The following TUSC3 variants were observed in gnomAD, a reference collection of about 807,000 sequenced individuals.
The protein encoded by TUSC3 is dolichyl-diphosphooligosaccharide--protein glycosyltransferase subunit TUSC3.
Under a neutral mutation model 44.8 loss-of-function variants are expected in TUSC3, and 45 were observed. The ratio of observed to expected loss-of-function variants is 1.00; its 90% CI spans 0.79 to 1.29. The LOEUF is 1.29. Ranked by LOEUF, TUSC3 falls within the 50% of genes most tolerant of loss-of-function variation. TUSC3 has a pLI of 0.00. For missense variants in TUSC3, 519 were observed against 437.9 expected (o/e 1.19, Z -1.65); for synonymous variants, 212 against 152.9 (o/e 1.39, Z -2.85).
Position 15,523,712 on chromosome 8 carries a change from A to G in TUSC3, n.189+40229A>G, listed in dbSNP as rs59647179. On this transcript the variant is annotated intron_variant and non_coding_transcript_variant, in intron 2 of 5. Coordinates refer to the TUSC3 transcript ENST00000503191. ...TGTGTGTGTGTGTGTGTGTGTGTAT[A>G]TATATATATATATAAAGTAGTTCTT... 2.6e-3 allele frequency among the ~76,000 whole-genome samples: 267 copies of G among 102,666 alleles called. 10 individuals are homozygous for G. In the East Asian group the frequency reaches 0.031, roughly 12 times the overall value. The allele number at this position is 102,666 out of a possible 152,430, so 67.4% of individuals were successfully genotyped here. A position where few individuals can be genotyped will look rare whatever the true frequency, so the allele number is the denominator to read the frequency against.
intron 6 of TUSC3, chr8:15,689,011 G>A (rs954127166): frequency 7.9e-6 from 2 of 251,844 alleles, no homozygotes; most frequent in Admixed American, 1.1e-4. Flanking sequence ...TCAAACAACC[G>A]GGCCACCTGT....
At position 15,448,121 on chromosome 8, in the gene TUSC3, T is replaced by TATA. The variant is rs1354912985; in HGVS notation, n.91+30816_91+30817insATA. Among the ~76,000 whole-genome samples the TATA allele has an allele frequency of 2.9e-3, 74 of 25,874 alleles. 7 individuals are homozygous for TATA. The South Asian group carries it at 0.08, about 28-fold the overall frequency. The allele number at this position is 25,874 out of a possible 152,430, so 17.0% of individuals were successfully genotyped here. The stretch of plus-strand genomic sequence containing the variant: ...GTAGTGTATATACATATATATATAT[T>TATA]TATTTATTTATTTTTTAGATGGAGT... On this transcript the variant is annotated intron_variant and non_coding_transcript_variant, in intron 1 of 5. Transcript: ENST00000503191.
At chr8:15,611,467 G>C (rs757182237) in intron 1 of TUSC3, among the ~76,000 whole-genome samples, 1 of 152,164 alleles carries the variant, frequency 6.6e-6, no homozygotes, top group African/African-American at 2.4e-5. Context: ...GATTACAGGC[G>C]TGAGCCATCG....
chr8:15,456,822 C>G (rs933111503), intron 1 of TUSC3, among the ~76,000 whole-genome samples: 3 of 151,988 alleles, frequency 2.0e-5, no homozygotes, highest in South Asian at 4.1e-4. Flanking sequence ...CTTGAAAACG[C>G]TTTAAAACAT....
chr8:15,577,861 G>C (rs1460040750), intron 1 of TUSC3, among the ~76,000 whole-genome samples: 4 of 150,634 alleles, frequency 2.7e-5, no homozygotes, highest in Admixed American at 1.3e-4. Context: ...AAAGTCATTG[G>C]TAGCTTGATG....
intron 1 of TUSC3, among the ~76,000 whole-genome samples, chr8:15,427,981 ATTATAC>A (rs896390745): frequency 8.6e-5 from 13 of 151,136 alleles, no homozygotes; most frequent in Admixed American, 8.6e-4. Flanking sequence ...TTTTTTTATT[ATTATAC>A]TTTTAAGTTT....
chr8:15,587,995 A>G (rs1021232285), intron 1 of TUSC3, among the ~76,000 whole-genome samples: 1 of 152,056 alleles, frequency 6.6e-6, no homozygotes, highest in South Asian at 2.1e-4. Context: ...TATCTTGGCA[A>G]TTGTGAATAG....
At chr8:15,762,624 A>T (rs1364374132) in intron 10 of TUSC3, among the ~76,000 whole-genome samples, 1 of 152,126 alleles carries the variant, frequency 6.6e-6, no homozygotes, top group South Asian at 2.1e-4. Context: ...TTTAAACACT[A>T]AACAACAAAA....
chr8:15,809,414 A>C, the TUSC3 span, among the ~76,000 whole-genome samples: 170 of 152,302 alleles, frequency 1.1e-3, no homozygotes, highest in African/African-American at 4.0e-3. Flanking sequence ...AAGGTCCCTT[A>C]AACAAAAATG....
At chr8:15,421,095 A>G (rs1012481127) in intron 1 of TUSC3, among the ~76,000 whole-genome samples, 9 of 152,198 alleles carry the variant, frequency 5.9e-5, no homozygotes, top group African/African-American at 1.9e-4. Context: ...GTCCAAATTA[A>G]TACATCCAAA....
At chr8:15,501,041 C>T (rs752099521) in intron 2 of TUSC3, among the ~76,000 whole-genome samples, 1 of 151,842 alleles carries the variant, frequency 6.6e-6, no homozygotes, top group Non-Finnish European at 1.5e-5. Context: ...TGCTATCTTC[C>T]TTGACCCACC....
At chr8:15,669,906 C>A (rs1807866669) in intron 5 of TUSC3, among the ~76,000 whole-genome samples, 2 of 150,816 alleles carry the variant, frequency 1.3e-5, no homozygotes, top group South Asian at 4.2e-4. Flanking sequence ...TGATTTTGTA[C>A]ATAGAAAAAA....
At chr8:15,470,368 T>C (rs1370166827) in intron 1 of TUSC3, among the ~76,000 whole-genome samples, 1 of 152,078 alleles carries the variant, frequency 6.6e-6, no homozygotes, top group Non-Finnish European at 1.5e-5. Context: ...GATATAATAG[T>C]GGATGCCTTC....
intron 1 of TUSC3, among the ~76,000 whole-genome samples, chr8:15,613,026 C>T (rs1217032098): frequency 6.7e-6 from 1 of 149,972 alleles, no homozygotes; most frequent in Non-Finnish European, 1.5e-5. Flanking sequence ...AGCAGAGCTA[C>T]AGCCATCGCA....
At chr8:15,488,168 ATTC>A (rs1317980927) in intron 2 of TUSC3, among the ~76,000 whole-genome samples, 3 of 151,974 alleles carry the variant, frequency 2.0e-5, no homozygotes, top group African/African-American at 7.3e-5. Context: ...GTAACCTAAA[ATTC>A]TTCTTCACTA....
the TUSC3 span, among the ~76,000 whole-genome samples, chr8:15,819,542 C>T: frequency 1.3e-5 from 2 of 152,308 alleles, no homozygotes; most frequent in South Asian, 4.1e-4. Flanking sequence ...GTCCCCCTGA[C>T]TTCTCACAAT....
intron 2 of TUSC3, among the ~76,000 whole-genome samples, chr8:15,515,739 C>A (rs1801208142): frequency 1.3e-5 from 2 of 152,110 alleles, no homozygotes; most frequent in South Asian, 4.1e-4. Flanking sequence ...GCAATCTCGG[C>A]CCACTGCAAC....
chr8:15,600,802 T>C (rs1408960107), intron 1 of TUSC3, among the ~76,000 whole-genome samples: 3 of 151,730 alleles, frequency 2.0e-5, no homozygotes, highest in Non-Finnish European at 4.4e-5. Context: ...TTAGCATTAT[T>C]GATCTTGCTT....
Position 15,743,611 on chromosome 8 carries a change from G to A in TUSC3, c.936G>A (p.Arg312=). ...CGAAAGGCGATGTTGGAAAAAGACG[G>A]AGTAAGTCTCTGTGTTGCCATTTTT... ...ATSKGDVGKR[R]IICLVGLGLV... is the part of the protein sequence containing the mutation. Residue 312 remains arginine, a splice_region_variant and synonymous_variant, in exon 8 of 11, where the codon CGG becomes CGA. Coordinates refer to ENST00000503731, the MANE Select transcript of TUSC3 (RefSeq NM_006765.4). The A allele has an allele frequency of 6.2e-7, 1 of 1,613,924 alleles. No individual in the cohort carries two copies. The highest frequency in any genetic ancestry group is 8.5e-7 in the Non-Finnish European group (1 of 1,179,840).
Sources: allele counts gnomAD v4.1 joint callset (sites outside exome capture counted in the v4.1 genomes callset), GRCh38; gene constraint gnomAD v4.1.1; transcripts MANE v1.5; gene names NCBI Gene and HGNC (gene_info 2026-07-23, HGNC 2026-07-21).